Variants in EP300 observed in about 807,000 individuals in gnomAD.
EP300 encodes the protein EP300 lysine acetyltransferase.
In EP300, 31 loss-of-function variants were observed where a neutral mutation model predicts 264.0. That is an observed-to-expected ratio of 0.12 (90% CI 0.09 to 0.16). The LOEUF (loss-of-function observed/expected upper bound fraction) is 0.16. Ranked by LOEUF, EP300 falls within the 10% of genes least tolerant of loss-of-function variation. The pLI is 1.00. For synonymous variants in EP300, 1,340 were observed against 1,045.4 expected (o/e 1.28, Z -5.44); for missense variants, 2,766 against 3,052.9 (o/e 0.91, Z 2.21).
chr22:41,149,197 T>C (rs1373151529), intron 13 of EP300, 22 bp downstream of exon 13: 19 of 1,614,132 alleles, frequency 1.2e-5, no homozygotes, highest in Non-Finnish European at 1.6e-5. Flanking sequence ...AAGTGGATTT[T>C]TCACTTATTT....
chr22:41,117,140 T>G (rs2058825832), intron 1 of EP300, 47 bp from the exon 2 acceptor site: 1 of 1,552,522 alleles, frequency 6.4e-7, no homozygotes, highest in African/African-American at 1.4e-5. Flanking sequence ...AGTTTTTTAT[T>G]TTGGTTTTGT....
At chr22:41,107,905 T>C (rs2058766507) in intron 1 of EP300, 1 of 103,586 alleles carries the variant, frequency 9.7e-6, no homozygotes, top group African/African-American at 2.6e-5. Context: ...AGTTTTTCCG[T>C]GTTAGTCAGG....
intron 14 of EP300, among the ~76,000 whole-genome samples, chr22:41,150,784 G>A (rs533604365): frequency 4.0e-5 from 6 of 151,740 alleles, no homozygotes; most frequent in Non-Finnish European, 4.4e-5. Flanking sequence ...CCAGCTACTC[G>A]GGAGACTGAG....
intron 28 of EP300, among the ~76,000 whole-genome samples, chr22:41,173,224 TG>T (rs1240387702): frequency 6.6e-6 from 1 of 152,210 alleles, no homozygotes; most frequent in Non-Finnish European, 1.5e-5. Context: ...ATTTAGTATT[TG>T]TAGGCTCATA....
At position 41,168,441 on chromosome 22, in the gene EP300, A is replaced by G; in HGVS notation, c.3875-8A>G. The G allele has an allele frequency of 1.2e-6, 2 of 1,614,106 alleles. No individual in the cohort carries two copies. Among genetic ancestry groups the G allele is most frequent in the Non-Finnish European group, 1.7e-6 (2 of 1,180,004 alleles). Reference sequence around the variant, plus strand: ...CACCTCAGTAACTTTTAACTTTTACATTCCTAGGGTTGCCATCTACCAGAC... The same window carrying G: ...CACCTCAGTAACTTTTAACTTTTACGTTCCTAGGGTTGCCATCTACCAGAC... On this transcript the variant is annotated splice_polypyrimidine_tract_variant and splice_region_variant and intron_variant, in intron 23 of 30. Coordinates refer to ENST00000263253, the MANE Select transcript of EP300 (RefSeq NM_001429.4).
At chr22:41,131,058 C>T (rs1362580317) in intron 5 of EP300, among the ~76,000 whole-genome samples, 2 of 152,170 alleles carry the variant, frequency 1.3e-5, no homozygotes, top group Non-Finnish European at 2.9e-5. Flanking sequence ...TATCGTTTCT[C>T]TCCTGTAGTG....
In EP300 at chr22:41,179,619, A is replaced by T. The variant is rs922000696; in HGVS notation, c.*663A>T. The T allele has an allele frequency of 2.7e-5, 6 of 223,648 alleles. No homozygotes were observed. Among genetic ancestry groups the T allele is most frequent in the Non-Finnish European group, 4.4e-5 (5 of 112,414 alleles). The allele number at this position is 223,648 out of a possible 1,614,324, so 13.9% of individuals were successfully genotyped here. A position where few individuals can be genotyped will look rare whatever the true frequency, so the allele number is the denominator to read the frequency against. ...TCTATTCTGTAAGTCTGAGCGTAAA[A>T]CTTCAAGTATTAAAATAATTTGTAC... is the stretch of plus-strand genomic sequence containing the variant. On this transcript the variant is annotated 3_prime_UTR_variant, in exon 31 of 31. Coordinates refer to ENST00000263253, the MANE Select transcript of EP300 (RefSeq NM_001429.4).
At chr22:41,176,676 C>G in intron 30 of EP300, 97 bp from the exon 31 acceptor site, 1 of 1,612,034 alleles carries the variant, frequency 6.2e-7, no homozygotes, top group South Asian at 1.1e-5. Flanking sequence ...AGTTTTTGTT[C>G]TACGAAAGGG....
chr22:41,129,024 T>A, intron 4 of EP300, among the ~76,000 whole-genome samples: 2 of 152,000 alleles, frequency 1.3e-5, no homozygotes, highest in African/African-American at 4.8e-5. Flanking sequence ...CACAGTTTTT[T>A]TTTTGAGATG....
intron 11 of EP300, among the ~76,000 whole-genome samples, chr22:41,147,508 C>T (rs949699675): frequency 3.3e-5 from 5 of 152,096 alleles, no homozygotes; most frequent in South Asian, 4.1e-4. Context: ...GAGGCTGAGG[C>T]GGGCAGATCA....
At chr22:41,172,734 T>G in intron 28 of EP300, 71 bp downstream of exon 28, 2 of 1,513,056 alleles carry the variant, frequency 1.3e-6, no homozygotes, top group Non-Finnish European at 1.8e-6. Context: ...GCACTTAAAC[T>G]TTCAATTGGG....
rs761630243 is a variant in EP300 at position 41,179,879 on chromosome 22, CTCACACA to C, written c.*924_*930del. 14,383 of 137,988 alleles carry C rather than the reference CTCACACA, an allele frequency of 0.1. 1,720 individuals are homozygous for C. Among genetic ancestry groups the C allele is most frequent in the East Asian group, 0.27 (2,508 of 9,168 alleles). The allele number at this position is 137,988 out of a possible 1,614,324, so 8.5% of individuals were successfully genotyped here. On this transcript the variant is annotated 3_prime_UTR_variant, in exon 31 of 31. Coordinates refer to ENST00000263253, the MANE Select transcript of EP300 (RefSeq NM_001429.4). ...TTCTTCCTCCTTACCCTACCCCCCA[CTCACACA>C]CACACACACACACACACACACACAC...
chr22:41,098,138 A>G (rs2058712073), intron 1 of EP300, among the ~76,000 whole-genome samples: 2 of 152,128 alleles, frequency 1.3e-5, no homozygotes, highest in African/African-American at 2.4e-5. Context: ...TCCTAATGCT[A>G]TCCCTCTCCC....
At chr22:41,130,705 T>C (rs887197144) in intron 5 of EP300, among the ~76,000 whole-genome samples, 1 of 152,198 alleles carries the variant, frequency 6.6e-6, no homozygotes, top group Non-Finnish European at 1.5e-5. Flanking sequence ...GGCAAGTTAT[T>C]CTTTTATACT....
At chr22:41,168,170 A>C (rs1298947696) in intron 23 of EP300, 5 of 433,910 alleles carry the variant, frequency 1.2e-5, no homozygotes, top group Non-Finnish European at 2.1e-5. Context: ...ATTTTTCAAA[A>C]TGAGAAGTTG....
intron 6 of EP300, among the ~76,000 whole-genome samples, chr22:41,134,278 G>A (rs767133818): frequency 6.6e-6 from 1 of 151,238 alleles, no homozygotes; most frequent in Non-Finnish European, 1.5e-5. Flanking sequence ...ATAAATTATG[G>A]ATAACTAGAA....
At chr22:41,129,262 C>G (rs1469581604) in intron 4 of EP300, among the ~76,000 whole-genome samples, 1 of 151,706 alleles carries the variant, frequency 6.6e-6, no homozygotes, top group East Asian at 1.9e-4. Flanking sequence ...CCGCCCGCCT[C>G]GGCCTCCCAA....
chr22:41,110,359 G>C (rs969762474), intron 1 of EP300, among the ~76,000 whole-genome samples: 8 of 120,658 alleles, frequency 6.6e-5, no homozygotes, highest in African/African-American at 2.5e-4. Flanking sequence ...CTGGAGTGCA[G>C]TGGTGTCATT....
intron 6 of EP300, among the ~76,000 whole-genome samples, chr22:41,131,926 G>C (rs1262348694): frequency 6.6e-6 from 1 of 151,894 alleles, no homozygotes; most frequent in African/African-American, 2.4e-5. Flanking sequence ...GGCCGGGCAT[G>C]GTGGCTAACA....
Sources: allele counts gnomAD v4.1 joint callset (sites outside exome capture counted in the v4.1 genomes callset), GRCh38; gene constraint gnomAD v4.1.1; transcripts MANE v1.5; gene names NCBI Gene and HGNC (gene_info 2026-07-23, HGNC 2026-07-21).